The following ATP10B variants were observed in gnomAD, a reference collection of about 807,000 sequenced individuals.
ATP10B encodes the protein phospholipid-transporting ATPase VB.
A neutral mutation model predicts 141.2 loss-of-function variants in ATP10B; 122 were observed. That is an observed-to-expected ratio of 0.86 (90% CI 0.75 to 1.00). ATP10B has a LOEUF of 1.00. Ranked by LOEUF, ATP10B falls within the 50% of genes least tolerant of loss-of-function variation. The pLI, the probability that ATP10B is intolerant of heterozygous loss-of-function variation, is 0.00. For missense variants in ATP10B, 1,876 were observed against 1,825.3 expected, an observed-to-expected ratio of 1.03 and a Z score of -0.51; for synonymous variants, 685 against 692.0, an observed-to-expected ratio of 0.99 and a Z score of 0.16.
chr5:160,682,728 T>C (rs987608558), intron 6 of ATP10B, among the ~76,000 whole-genome samples: 1 of 151,972 alleles, frequency 6.6e-6, no homozygotes. Flanking sequence ...TGACGGTGGA[T>C]TGGTGCCAAA....
intron 6 of ATP10B, among the ~76,000 whole-genome samples, chr5:160,675,295 A>T (rs4145647): frequency 0.85 from 129,363 of 152,014 alleles, 55,199 homozygotes; most frequent in East Asian, 0.9. Flanking sequence ...GTTTAAAAAT[A>T]AGACAAATCA....
intron 7 of ATP10B, among the ~76,000 whole-genome samples, chr5:160,653,399 GTACA>G (rs1203407053): frequency 4.1e-5 from 1 of 24,386 alleles, no homozygotes; most frequent in African/African-American, 1.3e-4. Flanking sequence ...ATATACATAC[GTACA>G]TACATACATA....
chr5:160,821,536 A>G (rs1000701288), intron 1 of ATP10B, among the ~76,000 whole-genome samples: 2 of 152,102 alleles, frequency 1.3e-5, no homozygotes, highest in East Asian at 1.9e-4. Context: ...AGGAACCATA[A>G]AAGACCCAGA....
the ATP10B span, among the ~76,000 whole-genome samples, chr5:160,915,712 G>C: frequency 6.6e-6 from 1 of 152,154 alleles, no homozygotes; most frequent in Non-Finnish European, 1.5e-5. Flanking sequence ...GAATAGATTA[G>C]TGGCTTTCAC....
At chr5:160,912,647 G>T in the ATP10B span, among the ~76,000 whole-genome samples, 3 of 141,330 alleles carry the variant, frequency 2.1e-5, no homozygotes, top group Non-Finnish European at 4.7e-5. Flanking sequence ...GGAGTAAAGA[G>T]AAGAGAGAAA....
intron 8 of ATP10B, among the ~76,000 whole-genome samples, chr5:160,645,155 A>G (rs948260257): frequency 4.7e-5 from 7 of 149,454 alleles, no homozygotes; most frequent in African/African-American, 7.4e-5. Context: ...CTGTTCTGCT[A>G]TGGAGTTACC....
the ATP10B span, among the ~76,000 whole-genome samples, chr5:160,878,540 C>G: frequency 6.6e-6 from 1 of 151,992 alleles, no homozygotes; most frequent in East Asian, 1.9e-4. Flanking sequence ...CAAATGGGAT[C>G]TAATTAAACT....
At chr5:160,816,437 C>T (rs914883147) in intron 1 of ATP10B, among the ~76,000 whole-genome samples, 2 of 152,036 alleles carry the variant, frequency 1.3e-5, no homozygotes, top group Admixed American at 6.6e-5. Context: ...ATACACCCTC[C>T]CATGACTAAA....
chr5:160,572,755 A>G (rs1754953308), intron 24 of ATP10B, among the ~76,000 whole-genome samples: 1 of 152,240 alleles, frequency 6.6e-6, no homozygotes, highest in Non-Finnish European at 1.5e-5. Flanking sequence ...ATCTTGGACT[A>G]GTTTTTAAAA....
chr5:160,606,377 A>C (rs1212181798), intron 19 of ATP10B, among the ~76,000 whole-genome samples: 1 of 152,216 alleles, frequency 6.6e-6, no homozygotes, highest in African/African-American at 2.4e-5. Flanking sequence ...CAGAATATCA[A>C]ATCCCTAAAC....
intron 24 of ATP10B, among the ~76,000 whole-genome samples, chr5:160,582,819 C>T (rs566477362): frequency 6.6e-6 from 1 of 151,238 alleles, no homozygotes; most frequent in African/African-American, 2.5e-5. Context: ...CAAGCTTTCT[C>T]ATTAAGTTTA....
chr5:160,917,318 A>G, the ATP10B span, among the ~76,000 whole-genome samples: 1 of 134,452 alleles, frequency 7.4e-6, no homozygotes, highest in African/African-American at 2.9e-5. Flanking sequence ...TAACCAGGCC[A>G]CCACTCATTC....
intron 21 of ATP10B, 143 bp downstream of exon 21, chr5:160,602,434 A>C (rs1311597946): frequency 4.8e-6 from 5 of 1,051,490 alleles, no homozygotes; most frequent in Non-Finnish European, 6.8e-6. Context: ...CAGAGCTATT[A>C]AGGAACAGTT....
the ATP10B span, among the ~76,000 whole-genome samples, chr5:160,881,733 A>T: frequency 3.3e-5 from 5 of 152,000 alleles, no homozygotes; most frequent in Non-Finnish European, 7.4e-5. Flanking sequence ...ATGGTGTGAA[A>T]GCGGGAGGTG....
Position 160,612,911 on chromosome 5 carries a change from C to T in ATP10B, c.2668G>A (p.Glu890Lys), listed in dbSNP as rs748872879. Reference protein sequence around the residue: ...QLTLLGATGIEDRLQEGVPDT... With the variant: ...QLTLLGATGIKDRLQEGVPDT... ...GGAACTCCTTCCTGCAGCCGGTCTT[C>T]GATCCCAGTGGCTCCTGGAGTGATG... Residue 890 changes from glutamate (E) to lysine (K), a missense_variant, in exon 18 of 26, where the codon GAA (glutamate) becomes AAA (lysine). Physicochemically the swap from Glu to Lys is moderately conservative, Grantham distance 56 (BLOSUM62 1). Transcript: ENST00000327245. 1.1e-5 allele frequency: 17 copies of T among 1,613,090 alleles called. No individual in the cohort carries two copies. The highest frequency in any genetic ancestry group is 2.2e-5 in the South Asian group (2 of 91,008).
At chr5:160,638,013 G>A (rs1316392956) in intron 10 of ATP10B, among the ~76,000 whole-genome samples, 1 of 152,226 alleles carries the variant, frequency 6.6e-6, no homozygotes, top group Non-Finnish European at 1.5e-5. Flanking sequence ...ACTTGAGGGG[G>A]TCCTGGAGCC....
the ATP10B span, among the ~76,000 whole-genome samples, chr5:160,928,176 C>T: frequency 2.6e-5 from 4 of 152,180 alleles, no homozygotes; most frequent in East Asian, 7.7e-4. Context: ...ACATTTCCTT[C>T]CCTTTTTTTA....
At chr5:160,779,966 A>G (rs1211454568) in intron 2 of ATP10B, among the ~76,000 whole-genome samples, 7 of 152,200 alleles carry the variant, frequency 4.6e-5, no homozygotes, top group East Asian at 1.9e-4. Context: ...TCAGAATACT[A>G]ACACTAAAGT....
At chr5:160,755,838 A>AAAAATATATAT (rs1768538195) in intron 2 of ATP10B, among the ~76,000 whole-genome samples, 1 of 45,408 alleles carries the variant, frequency 2.2e-5, no homozygotes. Context: ...AAAAAAAAAA[A>AAAAATATATAT]ATATATATAT....
Sources: gnomAD v4.1 joint callset for allele counts (sites outside exome capture counted in the v4.1 genomes callset) on GRCh38, gnomAD v4.1.1 for gene constraint, MANE v1.5 for transcripts, NCBI Gene and HGNC (gene_info 2026-07-23, HGNC 2026-07-21) for gene names.